PAX2: variants seen among roughly 807,000 people sequenced by gnomAD.
PAX2 encodes paired box 2, also known as paired box protein Pax-2.
A neutral mutation model predicts 41.7 loss-of-function variants in PAX2; 9 were observed. The observed-to-expected ratio is 0.22, with a 90% confidence interval of 0.13 to 0.38. The LOEUF (loss-of-function observed/expected upper bound fraction) is 0.38, where lower values mean the gene tolerates loss of function less well. Ranked by LOEUF, PAX2 falls within the 10% of genes least tolerant of loss-of-function variation. PAX2 has a pLI of 1.00. For missense variants in PAX2, 418 were observed against 531.6 expected (o/e 0.79, Z 2.10); for synonymous variants, 221 against 212.7 (o/e 1.04, Z -0.34).
At chr10:100,806,720 G>T (rs996851023) in intron 6 of PAX2, 115 bp downstream of exon 6, 4 of 874,222 alleles carry the variant, frequency 4.6e-6, no homozygotes, top group African/African-American at 1.6e-5. Context: ...TGTTACACAC[G>T]TGTGTTCTGT....
chr10:100,829,382 AGCTCCAGCCCCCGGGCTC>A lies in PAX2; in HGVS notation c.*1766_*1783del. The A allele has an allele frequency of 4.8e-6, 1 of 210,326 alleles. No individual in the cohort carries two copies. Among genetic ancestry groups the A allele is most frequent in the Non-Finnish European group, 9.7e-6 (1 of 103,312 alleles). 13.0% of individuals were successfully genotyped at this position (210,326 alleles called of 1,614,324 possible). A position where few individuals can be genotyped will look rare whatever the true frequency, so the allele number is the denominator to read the frequency against. On this transcript the variant is annotated 3_prime_UTR_variant, in exon 10 of 10. Transcript: ENST00000355243. ...CTCCGCAGGCTAGATCCGAGGTGGCAGCTCCAGCCCCCGGGCTCGCCCCCTCGCGGGCGTGCCCCGCGC... is the reference window on the plus strand; with the variant it reads ...CTCCGCAGGCTAGATCCGAGGTGGCAGCCCCCTCGCGGGCGTGCCCCGCGC...
In PAX2 at chr10:100,748,492, G is replaced by T. The variant is rs1400730311; in HGVS notation, c.44-1254G>T. On this transcript the variant is annotated intron_variant, in intron 1 of 9. Coordinates refer to ENST00000355243, the MANE Select transcript of PAX2 (RefSeq NM_000278.5). This position sits in a 1 kb window ranked among gnomAD's most constrained non-coding sequence, Gnocchi z 5.0. ...TGTCCCCGCTTTCTCCGAAACTCGC[G>T]TGAGGCTAGCGGGGCAGGGGCTGCA... The T allele has an allele frequency of 2.0e-6, 2 of 985,138 alleles. No homozygotes were observed. Among genetic ancestry groups the T allele is most frequent in the African/African-American group, 3.5e-5 (2 of 57,186 alleles). 61.0% of individuals were successfully genotyped at this position (985,138 alleles called of 1,614,324 possible).
chr10:100,753,175 G>T (rs1033216210), intron 3 of PAX2, among the ~76,000 whole-genome samples: 1 of 152,224 alleles, frequency 6.6e-6, no homozygotes, highest in Admixed American at 6.5e-5. Context: ...TGGGTCCGTA[G>T]TTAGGCTTCA....
chr10:100,801,096 G>C (rs1458052165), intron 5 of PAX2, among the ~76,000 whole-genome samples: 7 of 152,140 alleles, frequency 4.6e-5, no homozygotes. Context: ...GCTCTGGCTG[G>C]GCAGGCAGCC....
chr10:100,744,709 C>T (rs764730621), upstream of PAX2, among the ~76,000 whole-genome samples: 26 of 152,232 alleles, frequency 1.7e-4, no homozygotes, highest in Non-Finnish European at 3.2e-4. Flanking sequence ...CCCTGTACCC[C>T]CTTCCCAGTC....
In PAX2 at chr10:100,763,763, A is replaced by G. The variant is rs1845915524; in HGVS notation, c.410+12872A>G. 1.3e-5 allele frequency among the ~76,000 whole-genome samples: 2 copies of G among 152,232 alleles called. 1 individual carries two copies. Among genetic ancestry groups the G allele is most frequent in the South Asian group, 4.1e-4 (2 of 4,832 alleles). On this transcript the variant is annotated intron_variant, in intron 3 of 9. Coordinates refer to ENST00000355243, the MANE Select transcript of PAX2 (RefSeq NM_000278.5). ...AGTAGGTGCTTGCTAAGCACCTACT[A>G]TGTGCTAGGCAATTCACATAAAGCT...
chr10:100,737,305 C>T (rs1185920521), intron 1 of PAX2, among the ~76,000 whole-genome samples: 2 of 152,184 alleles, frequency 1.3e-5, no homozygotes. Context: ...CTGTCAGGGT[C>T]CTTATTCCAA....
At chr10:100,810,605 C>T (rs1847958525) in intron 7 of PAX2, among the ~76,000 whole-genome samples, 1 of 152,242 alleles carries the variant, frequency 6.6e-6, no homozygotes, top group African/African-American at 2.4e-5. Context: ...AGAGACGGCC[C>T]AGGCCAGGCC....
chr10:100,761,263 G>T (rs1845833031), intron 3 of PAX2, among the ~76,000 whole-genome samples: 1 of 151,966 alleles, frequency 6.6e-6, no homozygotes, highest in South Asian at 2.1e-4. Context: ...CTTAGCTCCT[G>T]CAGAGAGTAC....
intron 7 of PAX2, among the ~76,000 whole-genome samples, chr10:100,813,174 C>A (rs1044982419): frequency 2.0e-5 from 3 of 152,224 alleles, no homozygotes; most frequent in African/African-American, 7.2e-5. Flanking sequence ...AAGCACCAGT[C>A]CCTGGAGCCA....
At chr10:100,770,913 A>G (rs1209521736) in intron 3 of PAX2, among the ~76,000 whole-genome samples, 1 of 152,194 alleles carries the variant, frequency 6.6e-6, no homozygotes, top group East Asian at 1.9e-4. Flanking sequence ...TTAACTCACT[A>G]AGACTTATTC....
At chr10:100,758,470 A>G (rs1299488725) in intron 3 of PAX2, among the ~76,000 whole-genome samples, 1 of 152,144 alleles carries the variant, frequency 6.6e-6, no homozygotes, top group Non-Finnish European at 1.5e-5. Context: ...AGAAACGTTC[A>G]GGTTTGTTGT....
intron 1 of PAX2, among the ~76,000 whole-genome samples, chr10:100,739,366 A>G (rs937117415): frequency 5.3e-5 from 8 of 152,048 alleles, no homozygotes; most frequent in Non-Finnish European, 8.8e-5. Context: ...CCCCTGCCTT[A>G]CCAGCTCCCG....
At chr10:100,795,216 A>T (rs1041510909) in intron 5 of PAX2, among the ~76,000 whole-genome samples, 3 of 152,238 alleles carry the variant, frequency 2.0e-5, no homozygotes, top group African/African-American at 4.8e-5. Flanking sequence ...AATTATTTTT[A>T]AAAATCTGGT....
chr10:100,778,637 G>A (rs1007723263), intron 3 of PAX2, among the ~76,000 whole-genome samples: 16 of 152,258 alleles, frequency 1.1e-4, no homozygotes, highest in East Asian at 1.9e-4. Flanking sequence ...GCATTCCTCC[G>A]TCTTGGCCCT....
intron 5 of PAX2, chr10:100,786,860 C>T (rs913375055): frequency 3.8e-5 from 30 of 796,056 alleles, no homozygotes; most frequent in Non-Finnish European, 5.5e-5. Flanking sequence ...TCTGGTCTCC[C>T]GATCTTGGGA....
intron 3 of PAX2, among the ~76,000 whole-genome samples, chr10:100,777,213 T>C (rs1373234826): frequency 6.6e-6 from 1 of 150,946 alleles, no homozygotes; most frequent in African/African-American, 2.4e-5. Context: ...GCGATTCTCC[T>C]GCCTCAGCCT....
At chr10:100,781,575 G>A (rs996870818) in intron 5 of PAX2, among the ~76,000 whole-genome samples, 16 of 152,218 alleles carry the variant, frequency 1.1e-4, no homozygotes, top group Non-Finnish European at 1.9e-4. Context: ...CAGCAGCCCC[G>A]GCTGCCTCAC....
chr10:100,738,308 G>A (rs938774424), intron 1 of PAX2, among the ~76,000 whole-genome samples: 2 of 152,222 alleles, frequency 1.3e-5, no homozygotes, highest in African/African-American at 2.4e-5. Flanking sequence ...TTGACCTGCA[G>A]GATTGATTGG....
Sources: allele counts gnomAD v4.1 joint callset (sites outside exome capture counted in the v4.1 genomes callset), GRCh38; gene constraint gnomAD v4.1.1; non-coding constraint Gnocchi (gnomAD v3.1); transcripts MANE v1.5; gene names NCBI Gene and HGNC (gene_info 2026-07-23, HGNC 2026-07-21).